Variants in EXOC7 observed in about 807,000 individuals in gnomAD.
EXOC7 encodes exocyst complex component Exo70.
Under a neutral mutation model 87.6 loss-of-function variants are expected in EXOC7, and 51 were observed. That is an observed-to-expected ratio of 0.58 (90% CI 0.46 to 0.73). EXOC7 has a LOEUF of 0.73. Ranked by LOEUF, EXOC7 falls within the 30% of genes least tolerant of loss-of-function variation. EXOC7 has a pLI of 0.00. For missense variants in EXOC7, 744 were observed against 888.4 expected, an observed-to-expected ratio of 0.84 and a Z score of 2.07; for synonymous variants, 327 against 357.1, an observed-to-expected ratio of 0.92 and a Z score of 0.95.
chr17:76,089,125 T>C (rs769178321), intron 8 of EXOC7, 50 bp downstream of exon 8: 26 of 1,606,840 alleles, frequency 1.6e-5, no homozygotes, highest in Non-Finnish European at 2.2e-5. Context: ...GAGTCTGTTG[T>C]GACAGCTCTT....
In EXOC7 at chr17:76,085,365, T is replaced by C. The variant is rs1315635028; in HGVS notation, c.1661A>G (p.Glu554Gly). 1 of 1,610,350 alleles carries C rather than the reference T, an allele frequency of 6.2e-7. No homozygotes were observed. The highest frequency in any genetic ancestry group is 2.2e-5 in the East Asian group (1 of 44,830). ...CTCAATGTGCTCCCGGTAGGAGCGC[T>C]CAGCAGTCTTCTGTGTCACTGCCAC... is the stretch of plus-strand genomic sequence containing the variant. The part of the protein sequence containing the change: ...QLVAVTQKTA[E>G]RSYREHIEQQ... Residue 554 changes from glutamate (E) to glycine (G), a missense_variant, in exon 15 of 19, where the codon GAG (glutamate) becomes GGG (glycine). Transcript: ENST00000589210.
rs1022024297 is a variant in EXOC7 at position 76,103,750 on chromosome 17, C to A, written c.-58G>T. 24 of 1,533,354 alleles carry A rather than the reference C, an allele frequency of 1.6e-5. No homozygotes were observed. The East Asian group carries it at 3.7e-4, about 24-fold the overall frequency. 95.0% of individuals were successfully genotyped at this position (1,533,354 alleles called of 1,614,324 possible). A position where few individuals can be genotyped will look rare whatever the true frequency, so the allele number is the denominator to read the frequency against. ...ATCTTTCCTCCGCGGGCCCACCGGGCCCCCGTCCCCGTCACACCCACTTCC... is the reference window on the plus strand; with the variant it reads ...ATCTTTCCTCCGCGGGCCCACCGGGACCCCGTCCCCGTCACACCCACTTCC... On this transcript the variant is annotated 5_prime_UTR_variant, in exon 1 of 19. Coordinates refer to ENST00000589210, the MANE Select transcript of EXOC7 (RefSeq NM_001013839.4).
Position 76,085,302 on chromosome 17 carries a change from C to T in EXOC7, c.1712+12G>A, listed in dbSNP as rs764496784. 10 of 1,585,276 alleles carry T rather than the reference C, an allele frequency of 6.3e-6. No individual in the cohort carries two copies. In the South Asian group the frequency reaches 1.1e-4, roughly 18 times the overall value. On this transcript the variant is annotated intron_variant, in intron 15 of 18. Coordinates refer to ENST00000589210, the MANE Select transcript of EXOC7 (RefSeq NM_001013839.4). ...GGGCCCATGCAGGAGCAGGGCGGGCCCAGCCTCTCACCTGCGCTGGTAGGT... is the reference window on the plus strand; with the variant it reads ...GGGCCCATGCAGGAGCAGGGCGGGCTCAGCCTCTCACCTGCGCTGGTAGGT...
intron 7 of EXOC7, chr17:76,090,457 C>T: frequency 6.4e-7 from 1 of 1,551,680 alleles, no homozygotes; most frequent in Non-Finnish European, 8.7e-7. Context: ...AGGCAGGCCG[C>T]CCCTTGGGGT....
At position 76,082,195 on chromosome 17, in the gene EXOC7, C is replaced by A; in HGVS notation, c.*1453G>T. 1 of 1,084,768 alleles carries A rather than the reference C, an allele frequency of 9.2e-7. No homozygotes were observed. The highest frequency in any genetic ancestry group is 1.3e-6 in the Non-Finnish European group (1 of 771,168). 67.2% of individuals were successfully genotyped at this position (1,084,768 alleles called of 1,614,324 possible). On this transcript the variant is annotated 3_prime_UTR_variant, in exon 19 of 19. Transcript: ENST00000589210. ...CCTGGTCTCCACCATGTCCTCCTCC[C>A]TTAGAAGAAACAGGTCTGGGGCAGG...
At chr17:76,090,307 C>CGG in intron 7 of EXOC7, 1 of 1,548,462 alleles carries the variant, frequency 6.5e-7, no homozygotes, top group Non-Finnish European at 8.7e-7. Context: ...CGGCTGCCCT[C>CGG]GGGCTGGGCT....
In EXOC7 at chr17:76,097,971, G is replaced by A. The variant is rs774005186; in HGVS notation, c.465C>T (p.Arg155=). ...CCTTACTGTGCCGCGTCATCAGGCT[G>A]CGAAATTCGGACTCCAGGGCCTCCT... The part of the protein sequence containing the change: ...RGKEALESEF[R]SLMTRHSKVV... Residue 155 remains arginine (R), a synonymous_variant, in exon 5 of 19, where the codon CGC becomes CGT. Transcript: ENST00000589210. The A allele has an allele frequency of 1.9e-6, 3 of 1,614,136 alleles. No homozygotes were observed. Among genetic ancestry groups the A allele is most frequent in the Non-Finnish European group, 2.5e-6 (3 of 1,180,026 alleles).
chr17:76,103,657 C>A lies in EXOC7; in HGVS notation c.36G>T (p.Arg12=). 2 of 1,613,498 alleles carry A rather than the reference C, an allele frequency of 1.2e-6. No homozygotes were observed. Among genetic ancestry groups the A allele is most frequent in the Non-Finnish European group, 8.5e-7 (1 of 1,179,792 alleles). Residue 12 remains arginine, a synonymous_variant, in exon 1 of 19, where the codon CGG becomes CGT. Coordinates refer to ENST00000589210, the MANE Select transcript of EXOC7 (RefSeq NM_001013839.4). The part of the protein sequence containing the change: ...IPPQEASARR[R]EIEDKLKQEE... ...CCTGCTTCAGCTTGTCCTCAATCTC[C>A]CGCCGTCGAGCGGATGCCTCCTGTG...
intron 4 of EXOC7, among the ~76,000 whole-genome samples, chr17:76,098,477 C>A (rs955135121): frequency 2.0e-5 from 3 of 152,014 alleles, no homozygotes; most frequent in Non-Finnish European, 4.4e-5. Context: ...CGCTGGGAAG[C>A]GGCCTTGGTG....
At position 76,081,480 on chromosome 17, in the gene EXOC7, C is replaced by G; in HGVS notation, c.*2168G>C. 1 of 1,609,758 alleles carries G rather than the reference C, an allele frequency of 6.2e-7. No individual in the cohort carries two copies. The highest frequency in any genetic ancestry group is 8.5e-7 in the Non-Finnish European group (1 of 1,178,336). ...TGAGGATGCACGGCCAGAGGCCAGG[C>G]CCCATGCCCCCGATGCCCACCTCCT... On this transcript the variant is annotated 3_prime_UTR_variant, in exon 19 of 19. Transcript: ENST00000589210.
chr17:76,081,401 C>T lies in EXOC7; in HGVS notation c.*2247G>A, dbSNP rs200623073. 378 of 1,614,062 alleles carry T rather than the reference C, an allele frequency of 2.3e-4. No homozygotes were observed. The highest frequency in any genetic ancestry group is 3.1e-4 in the Non-Finnish European group (360 of 1,180,000). ...CAGCTGGTGCCCTGCTTCCAGGTGA[C>T]GGTGAGTCAAGTCGGGAGGAGGCCG... On this transcript the variant is annotated 3_prime_UTR_variant, in exon 19 of 19. Coordinates refer to ENST00000589210, the MANE Select transcript of EXOC7 (RefSeq NM_001013839.4).
chr17:76,081,704 T>A lies in EXOC7; in HGVS notation c.*1944A>T, dbSNP rs2066985718. The A allele has an allele frequency of 6.2e-7, 1 of 1,614,000 alleles. No homozygotes were observed. The highest frequency in any genetic ancestry group is 1.3e-5 in the African/African-American group (1 of 74,998). ...GCTGCTGAGTTACCTCGTCCTCCAC[T>A]CCTCCCTGGTGCAGGCCCTGCCCAG... On this transcript the variant is annotated 3_prime_UTR_variant, in exon 19 of 19. Transcript: ENST00000589210.
In EXOC7 at chr17:76,084,692, T is replaced by C. The variant is rs536761338; in HGVS notation, c.1713-112A>G. ...CTTGGTGGGTGGTGGTAGGAAGGGA[T>C]GTGGGTCACAACTAAGCAAACAACA... On this transcript the variant is annotated intron_variant, in intron 15 of 18. Coordinates refer to ENST00000589210, the MANE Select transcript of EXOC7 (RefSeq NM_001013839.4). 7 of 874,268 alleles carry C rather than the reference T, an allele frequency of 8.0e-6. No homozygotes were observed. In the African/African-American group the frequency reaches 1.2e-4, roughly 15 times the overall value. The allele number at this position is 874,268 out of a possible 1,614,324, so 54.2% of individuals were successfully genotyped here.
intron 2 of EXOC7, chr17:76,103,108 G>A: frequency 1.9e-6 from 1 of 536,802 alleles, no homozygotes; most frequent in Non-Finnish European, 3.4e-6. Flanking sequence ...AGGAGAGAAG[G>A]AAGAATGGCG....
intron 4 of EXOC7, among the ~76,000 whole-genome samples, chr17:76,099,980 T>C (rs1050447016): frequency 5.9e-5 from 9 of 152,134 alleles, no homozygotes; most frequent in African/African-American, 2.2e-4. Flanking sequence ...CACATGCCTG[T>C]GGGCCCAGCT....
intron 5 of EXOC7, 83 bp downstream of exon 5, chr17:76,097,703 CAAAAAAAAAA>C (rs57781252): frequency 9.1e-5 from 29 of 318,266 alleles, no homozygotes; most frequent in East Asian, 2.2e-4. Context: ...GACTCCATCT[CAAAAAAAAAA>C]AAAAAAAAAA....
At chr17:76,085,873 C>G in intron 13 of EXOC7, 76 bp from the exon 14 acceptor site, 2 of 1,566,756 alleles carry the variant, frequency 1.3e-6, no homozygotes, top group Non-Finnish European at 8.7e-7. Flanking sequence ...CCCGCGAACG[C>G]GCTCCTATCC....
At chr17:76,090,363 G>A (rs1279245545) in intron 7 of EXOC7, 22 of 1,551,580 alleles carry the variant, frequency 1.4e-5, no homozygotes, top group African/African-American at 2.7e-5. Context: ...TCAAGGCCTC[G>A]GACAGGTGCT....
At position 76,089,202 on chromosome 17, in the gene EXOC7, C is replaced by T; in HGVS notation, c.1020G>A (p.Gln340=). The T allele has an allele frequency of 6.2e-7, 1 of 1,613,896 alleles. No homozygotes were observed. Among genetic ancestry groups the T allele is most frequent in the South Asian group, 1.1e-5 (1 of 91,074 alleles). Residue 340 remains glutamine, a synonymous_variant, in exon 8 of 19, where the codon CAG becomes CAA. Transcript: ENST00000589210. ...GTATCAGGGAGTCGAAGGTCTTCTTCTGGTGGTGCTCGGGGATGATGTCGG... is the reference window on the plus strand; with the variant it reads ...GTATCAGGGAGTCGAAGGTCTTCTTTTGGTGGTGCTCGGGGATGATGTCGG... ...LLADIIPEHH[Q]KKTFDSLIQD...
Sources: allele counts gnomAD v4.1 joint callset (sites outside exome capture counted in the v4.1 genomes callset), GRCh38; gene constraint gnomAD v4.1.1; transcripts MANE v1.5; gene names NCBI Gene and HGNC (gene_info 2026-07-23, HGNC 2026-07-21).